RGS6: variants seen among roughly 807,000 people sequenced by gnomAD.
RGS6 encodes the protein regulator of G protein signaling 6.
In RGS6, 30 loss-of-function variants were observed where a neutral mutation model predicts 78.5. The observed-to-expected ratio is 0.38, with a 90% CI of 0.29 to 0.52. The LOEUF (loss-of-function observed/expected upper bound fraction) is 0.52. RGS6 is among the 20% of genes least tolerant of loss of function. The pLI is 0.85. For synonymous variants in RGS6, 206 were observed against 206.0 expected (o/e 1.00, Z 0.00); for missense variants, 495 against 609.7 (o/e 0.81, Z 1.98).
intron 2 of RGS6, among the ~76,000 whole-genome samples, chr14:72,102,243 C>T (rs1260099506): frequency 6.6e-6 from 1 of 152,174 alleles, no homozygotes. Flanking sequence ...TAATTCCTAA[C>T]ACAGTAGCTC....
intron 2 of RGS6, among the ~76,000 whole-genome samples, chr14:71,966,732 G>A (rs2093542841): frequency 6.6e-6 from 1 of 152,214 alleles, no homozygotes; most frequent in South Asian, 2.1e-4. Flanking sequence ...CCACAATGTG[G>A]TCCGTAATGA....
intron 2 of RGS6, among the ~76,000 whole-genome samples, chr14:72,223,967 C>T (rs2047497913): frequency 1.3e-5 from 2 of 152,232 alleles, no homozygotes; most frequent in Admixed American, 1.3e-4. Context: ...CACCTGAGAG[C>T]AGAGACACAG....
At chr14:72,357,673 A>G (rs897040106) in intron 3 of RGS6, among the ~76,000 whole-genome samples, 1 of 152,228 alleles carries the variant, frequency 6.6e-6, no homozygotes, top group Non-Finnish European at 1.5e-5. Context: ...CTAAGTGCAG[A>G]GTGTTCAAGA....
At chr14:72,211,141 G>C (rs2044035224) in intron 2 of RGS6, among the ~76,000 whole-genome samples, 1 of 152,146 alleles carries the variant, frequency 6.6e-6, no homozygotes, top group Non-Finnish European at 1.5e-5. Flanking sequence ...CCATAACCTA[G>C]AGTTATTCAG....
chr14:72,424,410 A>T (rs996294164), intron 3 of RGS6, among the ~76,000 whole-genome samples: 15 of 152,220 alleles, frequency 9.9e-5, no homozygotes, highest in Non-Finnish European at 1.8e-4. Flanking sequence ...AACTGAGGGC[A>T]TTGCAGCTGT....
intron 2 of RGS6, among the ~76,000 whole-genome samples, chr14:72,001,472 A>G (rs2083404043): frequency 2.2e-3 from 1 of 452 alleles, no homozygotes; most frequent in African/African-American, 4.2e-3. Context: ...TAAAAACAGA[A>G]CACACACACA....
At chr14:72,332,552 A>G (rs2152575032) in intron 2 of RGS6, among the ~76,000 whole-genome samples, 1 of 152,294 alleles carries the variant, frequency 6.6e-6, no homozygotes, top group Admixed American at 6.5e-5. Context: ...TTCCATGACC[A>G]GTGCTGGAAA....
chr14:71,998,090 A>G (rs1327575891), intron 2 of RGS6, among the ~76,000 whole-genome samples: 1 of 152,204 alleles, frequency 6.6e-6, no homozygotes, highest in Non-Finnish European at 1.5e-5. Context: ...GACATCAATC[A>G]ATGTATGTAA....
intron 2 of RGS6, among the ~76,000 whole-genome samples, chr14:72,167,381 A>G (rs967816782): frequency 1.3e-5 from 2 of 152,230 alleles, no homozygotes; most frequent in African/African-American, 4.8e-5. Flanking sequence ...CTGAAGTGAC[A>G]TCTCATTATC....
intron 2 of RGS6, among the ~76,000 whole-genome samples, chr14:72,127,647 C>T (rs984209701): frequency 9.9e-5 from 15 of 152,220 alleles, no homozygotes; most frequent in African/African-American, 3.4e-4. Context: ...GTAGTTATTT[C>T]TTGCAGTTGC....
At chr14:72,269,963 T>C (rs1156509603) in intron 2 of RGS6, among the ~76,000 whole-genome samples, 1 of 152,182 alleles carries the variant, frequency 6.6e-6, no homozygotes. Context: ...AGCATATATG[T>C]CCTGCCCTCA....
intron 2 of RGS6, among the ~76,000 whole-genome samples, chr14:72,083,826 G>A (rs1206688667): frequency 6.6e-6 from 1 of 152,138 alleles, no homozygotes; most frequent in Non-Finnish European, 1.5e-5. Flanking sequence ...GTTGCTTGGG[G>A]AAAATGGCAC....
chr14:72,607,992 T>C, the RGS6 span, among the ~76,000 whole-genome samples: 1 of 152,338 alleles, frequency 6.6e-6, no homozygotes, highest in African/African-American at 2.4e-5. Context: ...AAAAGTGACA[T>C]GGTGTCTTCC....
intron 3 of RGS6, among the ~76,000 whole-genome samples, chr14:72,359,625 C>G (rs2081075241): frequency 6.6e-6 from 1 of 151,802 alleles, no homozygotes; most frequent in African/African-American, 2.4e-5. Context: ...AGTCCAATTC[C>G]TAAAACACAG....
At position 72,102,317 on chromosome 14, in the gene RGS6, C is replaced by T. The variant is rs74248116; in HGVS notation, c.84+137442C>T. On this transcript the variant is annotated intron_variant, in intron 2 of 17. Coordinates refer to ENST00000553525, the MANE Select transcript of RGS6 (RefSeq NM_001204424.2). ...CTTCTGCTTTACCAAAATACATTTACATAAACAATATTAGTATGTGTACAG... is the reference window on the plus strand; with the variant it reads ...CTTCTGCTTTACCAAAATACATTTATATAAACAATATTAGTATGTGTACAG... 1.1e-3 allele frequency among the ~76,000 whole-genome samples: 169 copies of T among 151,998 alleles called. 3 individuals are homozygous for T. In the East Asian group the frequency reaches 0.031, roughly 28 times the overall value.
chr14:72,173,220 T>G (rs1205901841), intron 2 of RGS6, among the ~76,000 whole-genome samples: 1 of 151,962 alleles, frequency 6.6e-6, no homozygotes, highest in Non-Finnish European at 1.5e-5. Context: ...ATCTAGTGTG[T>G]GAGGCTGGAA....
chr14:72,398,133 C>T (rs1025072059), intron 3 of RGS6, among the ~76,000 whole-genome samples: 2 of 152,112 alleles, frequency 1.3e-5, no homozygotes, highest in African/African-American at 4.8e-5. Context: ...ATGGTACCAG[C>T]TCCTCCTTGT....
At chr14:72,235,520 A>G (rs1321459629) in intron 2 of RGS6, among the ~76,000 whole-genome samples, 5 of 152,242 alleles carry the variant, frequency 3.3e-5, no homozygotes, top group Non-Finnish European at 7.3e-5. Context: ...CAAATCATGT[A>G]TAATCTACTT....
intron 2 of RGS6, among the ~76,000 whole-genome samples, chr14:72,069,944 C>T (rs569008514): frequency 2.6e-5 from 4 of 152,306 alleles, no homozygotes; most frequent in African/African-American, 9.6e-5. Flanking sequence ...AGACCTTCTA[C>T]TTGGAATCAC....
Sources: gnomAD v4.1 joint callset for allele counts (sites outside exome capture counted in the v4.1 genomes callset) on GRCh38, gnomAD v4.1.1 for gene constraint, MANE v1.5 for transcripts, NCBI Gene and HGNC (gene_info 2026-07-23, HGNC 2026-07-21) for gene names.